Variants in SLIT3 observed in about 807,000 individuals in gnomAD.
SLIT3 encodes slit homolog 3 protein.
SLIT3 carries 68 observed loss-of-function variants against 184.0 expected under a neutral mutation model. The ratio of observed to expected loss-of-function variants is 0.37; its 90% CI spans 0.30 to 0.45. SLIT3 has a LOEUF of 0.45. Among genes scored for constraint, SLIT3 ranks in the 20% least tolerant of loss-of-function variants. The probability of loss-of-function intolerance (pLI) is 1.00; values close to 1 mark genes in which losing one functional copy is unlikely to be tolerated. For synonymous variants in SLIT3, 831 were observed against 828.6 expected, an observed-to-expected ratio of 1.00 and a Z score of -0.05; for missense variants, 1,707 against 2,026.0, an observed-to-expected ratio of 0.84 and a Z score of 3.02.
chr5:168,756,754 A>G (rs1173634231), intron 16 of SLIT3, among the ~76,000 whole-genome samples: 1 of 152,198 alleles, frequency 6.6e-6, no homozygotes, highest in South Asian at 2.1e-4. Flanking sequence ...ATGCCAGAAG[A>G]GAAGGCTTTT....
intron 20 of SLIT3, among the ~76,000 whole-genome samples, chr5:168,732,521 T>C (rs10072343): frequency 0.19 from 28,305 of 152,112 alleles, 2,844 homozygotes; most frequent in Non-Finnish European, 0.22. Flanking sequence ...ACAGCAATCC[T>C]GAGCAAAAAG....
chr5:169,292,846 GACA>G (rs1767398357), intron 1 of SLIT3, among the ~76,000 whole-genome samples: 1 of 152,218 alleles, frequency 6.6e-6, no homozygotes, highest in African/African-American at 2.4e-5. Context: ...TAGAAGAGGG[GACA>G]ACAAGCTAAC....
At chr5:168,763,035 G>A (rs936435292) in intron 14 of SLIT3, among the ~76,000 whole-genome samples, 1 of 152,130 alleles carries the variant, frequency 6.6e-6, no homozygotes, top group Admixed American at 6.5e-5. Flanking sequence ...TGGTGCAGGT[G>A]TACAGTCTAC....
intron 4 of SLIT3, among the ~76,000 whole-genome samples, chr5:169,151,349 T>C (rs1762111958): frequency 6.6e-6 from 1 of 152,220 alleles, no homozygotes; most frequent in Non-Finnish European, 1.5e-5. Flanking sequence ...CCCTCATTTC[T>C]GAGACTTCCC....
In SLIT3 at chr5:169,300,979, G is replaced by A. The variant is rs1581155003; in HGVS notation, c.-270C>T. 2.9e-5 allele frequency: 5 copies of A among 171,546 alleles called. No individual in the cohort carries two copies. The highest frequency in any genetic ancestry group is 1.9e-4 in the Admixed American group (3 of 15,794). The allele number at this position is 171,546 out of a possible 1,614,324, so 10.6% of individuals were successfully genotyped here. A position where few individuals can be genotyped will look rare whatever the true frequency, so the allele number is the denominator to read the frequency against. On this transcript the variant is annotated 5_prime_UTR_variant, in exon 1 of 36. Coordinates refer to ENST00000519560, the MANE Select transcript of SLIT3 (RefSeq NM_003062.4). This position sits in a 1 kb window ranked among gnomAD's most constrained non-coding sequence, Gnocchi z 4.1. ...GTGCCCAGGTGCGGAGCGCCCCCTG[G>A]CCCCGCTGGCCCGCGGGCCGGGTTG...
At chr5:168,852,329 G>A (rs1581146492) in intron 5 of SLIT3, among the ~76,000 whole-genome samples, 1 of 152,310 alleles carries the variant, frequency 6.6e-6, no homozygotes, top group East Asian at 1.9e-4. Context: ...TAGTGAGGTA[G>A]TTTTTTTCTT....
chr5:169,160,299 G>A lies in SLIT3; in HGVS notation c.413+33180C>T, dbSNP rs559694644. Reference sequence around the variant, plus strand: ...AAATTACTGCTCAGAGAAGTTAAGTGACTTGCCTAAGGGCACACATCTCAC... The same window carrying A: ...AAATTACTGCTCAGAGAAGTTAAGTAACTTGCCTAAGGGCACACATCTCAC... On this transcript the variant is annotated intron_variant, in intron 4 of 35. Transcript: ENST00000519560. Among the ~76,000 whole-genome samples, 7 of 152,318 alleles carry A rather than the reference G, an allele frequency of 4.6e-5. No homozygotes were observed. The South Asian group carries it at 1.5e-3, about 32-fold the overall frequency.
chr5:168,816,339 A>G (rs1757334490), intron 8 of SLIT3, among the ~76,000 whole-genome samples: 1 of 152,164 alleles, frequency 6.6e-6, no homozygotes, highest in African/African-American at 2.4e-5. Flanking sequence ...GGTGCCCGCC[A>G]CCACGTCCAG....
intron 4 of SLIT3, among the ~76,000 whole-genome samples, chr5:169,078,904 A>G (rs1758854225): frequency 6.6e-6 from 1 of 152,228 alleles, no homozygotes; most frequent in African/African-American, 2.4e-5. Flanking sequence ...GAAATAAACT[A>G]AGACTTGGAG....
At chr5:168,729,696 A>C (rs1763238780) in intron 20 of SLIT3, among the ~76,000 whole-genome samples, 1 of 152,138 alleles carries the variant, frequency 6.6e-6, no homozygotes, top group African/African-American at 2.4e-5. Context: ...AAAATCATGA[A>C]AATATAAAAC....
chr5:168,667,399 C>T (rs1227400295), intron 35 of SLIT3, among the ~76,000 whole-genome samples: 1 of 152,136 alleles, frequency 6.6e-6, no homozygotes, highest in Non-Finnish European at 1.5e-5. Flanking sequence ...AGGCATTTGA[C>T]CTGGCCCAGG....
chr5:168,702,674 G>A (rs1458120972), intron 26 of SLIT3, among the ~76,000 whole-genome samples: 1 of 108,792 alleles, frequency 9.2e-6, no homozygotes, highest in African/African-American at 4.4e-5. Flanking sequence ...ATAAATAATA[G>A]CGATGATGAT....
chr5:169,164,146 T>C (rs1418267517), intron 4 of SLIT3, among the ~76,000 whole-genome samples: 1 of 152,202 alleles, frequency 6.6e-6, no homozygotes, highest in Non-Finnish European at 1.5e-5. Flanking sequence ...CATCTAAACA[T>C]AACCACACAT....
chr5:169,298,943 C>G (rs1278323118), intron 1 of SLIT3, among the ~76,000 whole-genome samples: 1 of 152,176 alleles, frequency 6.6e-6, no homozygotes, highest in Non-Finnish European at 1.5e-5. Context: ...GTGGCTAGCA[C>G]TGGTGTGACG....
intron 4 of SLIT3, among the ~76,000 whole-genome samples, chr5:168,897,458 A>G (rs188323313): frequency 3.5e-4 from 53 of 152,242 alleles, no homozygotes; most frequent in Non-Finnish European, 5.7e-4. Context: ...AAAGACAGTT[A>G]AAGAGGGAGA....
chr5:168,689,697 C>T (rs964990770), intron 29 of SLIT3, among the ~76,000 whole-genome samples: 3 of 152,168 alleles, frequency 2.0e-5, no homozygotes, highest in Non-Finnish European at 1.5e-5. Flanking sequence ...GGAGAGGGAA[C>T]GTACAAGGAG....
At chr5:168,797,315 A>G (rs556126630) in intron 9 of SLIT3, among the ~76,000 whole-genome samples, 15 of 152,362 alleles carry the variant, frequency 9.8e-5, no homozygotes, top group African/African-American at 3.1e-4. Context: ...GCTGCCAGTC[A>G]GGTGGTGCGT....
chr5:168,697,187 C>A (rs1762088137), intron 27 of SLIT3, among the ~76,000 whole-genome samples: 1 of 152,220 alleles, frequency 6.6e-6, no homozygotes, highest in African/African-American at 2.4e-5. Context: ...GCCCCTCCAG[C>A]TTCTGGGGGA....
chr5:168,980,261 C>T (rs1226753487), intron 4 of SLIT3, among the ~76,000 whole-genome samples: 3 of 152,004 alleles, frequency 2.0e-5, no homozygotes, highest in South Asian at 2.1e-4. Context: ...GAGTGGTGCC[C>T]GGGTTCTGAG....
Sources: allele counts gnomAD v4.1 joint callset (sites outside exome capture counted in the v4.1 genomes callset), GRCh38; gene constraint gnomAD v4.1.1; non-coding constraint Gnocchi (gnomAD v3.1); transcripts MANE v1.5; gene names NCBI Gene and HGNC (gene_info 2026-07-23, HGNC 2026-07-21).